The following SKAP1 variants were observed in gnomAD, a reference collection of about 807,000 sequenced individuals.
The protein encoded by SKAP1 is src kinase-associated phosphoprotein 1.
A neutral mutation model predicts 58.5 loss-of-function variants in SKAP1; 44 were observed. That is an observed-to-expected ratio of 0.75 (90% CI 0.59 to 0.97). SKAP1 has a LOEUF of 0.97. Ranked by LOEUF, SKAP1 falls within the 50% of genes least tolerant of loss-of-function variation. SKAP1 has a pLI of 0.00. For missense variants in SKAP1, 390 were observed against 435.2 expected (o/e 0.90, Z 0.92); for synonymous variants, 127 against 149.7 (o/e 0.85, Z 1.11).
At chr17:48,361,074 CTA>C (rs2066929560) in intron 3 of SKAP1, among the ~76,000 whole-genome samples, 1 of 45,552 alleles carries the variant, frequency 2.2e-5, no homozygotes, top group Non-Finnish European at 5.2e-5. Flanking sequence ...TTGTACTGTA[CTA>C]TACTATACTA....
At chr17:48,295,943 T>A (rs996680250) in intron 4 of SKAP1, among the ~76,000 whole-genome samples, 1 of 152,106 alleles carries the variant, frequency 6.6e-6, no homozygotes, top group Non-Finnish European at 1.5e-5. Flanking sequence ...CATATATGCA[T>A]ATACACATAC....
chr17:48,200,048 G>T (rs1285569210), intron 4 of SKAP1, among the ~76,000 whole-genome samples: 5 of 152,082 alleles, frequency 3.3e-5, no homozygotes, highest in African/African-American at 1.2e-4. Flanking sequence ...TCAGCACTTT[G>T]GGAGGCCGAG....
chr17:48,215,810 C>A (rs528299793), intron 4 of SKAP1, among the ~76,000 whole-genome samples: 1 of 152,198 alleles, frequency 6.6e-6, no homozygotes. Flanking sequence ...ATAGAGGCAG[C>A]CCCAGCATCA....
intron 4 of SKAP1, among the ~76,000 whole-genome samples, chr17:48,265,794 T>C (rs2065540550): frequency 6.6e-6 from 1 of 152,158 alleles, no homozygotes; most frequent in Admixed American, 6.5e-5. Flanking sequence ...GAGCTGTATC[T>C]GCCCAAAGGC....
intron 2 of SKAP1, among the ~76,000 whole-genome samples, chr17:48,392,602 T>G (rs2067362402): frequency 6.6e-6 from 1 of 152,188 alleles, no homozygotes; most frequent in African/African-American, 2.4e-5. Flanking sequence ...AGCTCACTCC[T>G]GTAATCCTAG....
At chr17:48,279,802 C>A (rs1425362009) in intron 4 of SKAP1, among the ~76,000 whole-genome samples, 1 of 152,210 alleles carries the variant, frequency 6.6e-6, no homozygotes, top group East Asian at 1.9e-4. Context: ...CCCACCAACA[C>A]TCTGTTCTTG....
intron 1 of SKAP1, among the ~76,000 whole-genome samples, chr17:48,422,373 A>G (rs997933416): frequency 2.6e-4 from 40 of 152,162 alleles, no homozygotes; most frequent in Admixed American, 2.6e-3. Context: ...AAAAAAATTT[A>G]ATTTTATTTA....
intron 1 of SKAP1, among the ~76,000 whole-genome samples, chr17:48,405,652 C>G (rs1195516385): frequency 6.6e-6 from 1 of 151,668 alleles, no homozygotes; most frequent in Non-Finnish European, 1.5e-5. Context: ...AGGTGCCCGC[C>G]ACCATGCCTG....
At chr17:48,180,861 G>A (rs189531093) in intron 8 of SKAP1, among the ~76,000 whole-genome samples, 1 of 152,312 alleles carries the variant, frequency 6.6e-6, no homozygotes, top group Admixed American at 6.5e-5. Flanking sequence ...ATGTCCTTTT[G>A]CAACTGCACA....
Position 48,245,288 on chromosome 17 carries a change from T to C in SKAP1, c.281-55788A>G, listed in dbSNP as rs142631526. The stretch of plus-strand genomic sequence containing the variant: ...TTCTAAAACACAACCCACAATCTGA[T>C]TTTTTTTTCTTTTTTCTTTTTGTAA... On this transcript the variant is annotated intron_variant, in intron 4 of 12. Coordinates refer to ENST00000336915, the MANE Select transcript of SKAP1 (RefSeq NM_003726.4). 1.5e-4 allele frequency among the ~76,000 whole-genome samples: 22 copies of C among 151,698 alleles called. 1 individual carries two copies. In the East Asian group the frequency reaches 4.2e-3, roughly 29 times the overall value.
At chr17:48,400,886 C>A (rs2067491333) in intron 1 of SKAP1, among the ~76,000 whole-genome samples, 1 of 152,160 alleles carries the variant, frequency 6.6e-6, no homozygotes, top group Non-Finnish European at 1.5e-5. Context: ...ACTCCCCAAA[C>A]TGATCTAAAG....
intron 9 of SKAP1, among the ~76,000 whole-genome samples, chr17:48,177,752 A>T (rs2064310235): frequency 6.6e-6 from 1 of 152,176 alleles, no homozygotes; most frequent in African/African-American, 2.4e-5. Context: ...TGTGGCTGAA[A>T]TATTCATATC....
At chr17:48,295,689 T>C (rs1329967126) in intron 4 of SKAP1, 2 of 151,976 alleles carry the variant, frequency 1.3e-5, no homozygotes, top group Non-Finnish European at 2.9e-5. Context: ...TTTAATATTT[T>C]TGTGTCTGGC....
At chr17:48,299,381 A>C (rs1041219218) in intron 4 of SKAP1, among the ~76,000 whole-genome samples, 1 of 152,206 alleles carries the variant, frequency 6.6e-6, no homozygotes, top group African/African-American at 2.4e-5. Context: ...TCTTGGATCT[A>C]TCTGGTATAG....
chr17:48,189,429 T>C lies in SKAP1; in HGVS notation c.352A>G (p.Ser118Gly), dbSNP rs1365187909. The change falls in exon 5 of 13, where the codon AGC (serine) becomes GGC (glycine). Residue 118 changes from serine to glycine, a missense_variant. By Grantham distance (56) the Ser-to-Gly change is moderately conservative. Coordinates refer to ENST00000336915, the MANE Select transcript of SKAP1 (RefSeq NM_003726.4). Reference sequence around the variant, plus strand: ...CTGTGGGTCTGACCAATACCTTTGCTTTTCTTCTCCAAGTATCCTTGCTTG... The same window carrying C: ...CTGTGGGTCTGACCAATACCTTTGCCTTTCTTCTCCAAGTATCCTTGCTTG... The part of the protein sequence containing the change: ...VIKQGYLEKK[S>G]KDHSFFGSEW... The C allele has an allele frequency of 1.2e-6, 2 of 1,612,326 alleles. No homozygotes were observed. The highest frequency in any genetic ancestry group is 1.7e-5 in the Admixed American group (1 of 59,874).
intron 4 of SKAP1, among the ~76,000 whole-genome samples, chr17:48,269,742 T>A (rs937275519): frequency 4.6e-5 from 7 of 152,194 alleles, no homozygotes; most frequent in African/African-American, 1.7e-4. Flanking sequence ...AGAGCTTTTA[T>A]CTAGTGGGGA....
intron 1 of SKAP1, among the ~76,000 whole-genome samples, chr17:48,411,169 A>G (rs2067660392): frequency 6.6e-6 from 1 of 151,598 alleles, no homozygotes; most frequent in African/African-American, 2.4e-5. Context: ...GGAAGCTGAG[A>G]CGGGCAGATC....
the SKAP1 span, among the ~76,000 whole-genome samples, chr17:48,435,539 A>C: frequency 6.6e-6 from 1 of 152,226 alleles, no homozygotes; most frequent in Non-Finnish European, 1.5e-5. Context: ...ATAACTTTGG[A>C]AACTAGCTGG....
At chr17:48,356,297 T>TAGAC (rs1399190829) in intron 3 of SKAP1, among the ~76,000 whole-genome samples, 1 of 152,070 alleles carries the variant, frequency 6.6e-6, no homozygotes, top group Non-Finnish European at 1.5e-5. Context: ...GATAGATAGA[T>TAGAC]AGATGAAAAC....
Sources: allele counts gnomAD v4.1 joint callset (sites outside exome capture counted in the v4.1 genomes callset), GRCh38; gene constraint gnomAD v4.1.1; transcripts MANE v1.5; gene names NCBI Gene and HGNC (gene_info 2026-07-23, HGNC 2026-07-21).